The following PLEKHA3 variants were observed in gnomAD, a reference collection of about 807,000 sequenced individuals.
The protein encoded by PLEKHA3 is pleckstrin homology domain-containing family A member 3.
PLEKHA3 carries 19 observed loss-of-function variants against 39.2 expected under a neutral mutation model. The observed-to-expected ratio is 0.48, with a 90% CI of 0.34 to 0.71. The LOEUF is 0.71. Among genes scored for constraint, PLEKHA3 ranks in the 30% least tolerant of loss-of-function variants. The pLI is 0.01. For missense variants in PLEKHA3, 253 were observed against 359.5 expected, an observed-to-expected ratio of 0.70 and a Z score of 2.40; for synonymous variants, 97 against 118.6, an observed-to-expected ratio of 0.82 and a Z score of 1.18.
At chr2:178,501,248 G>A in intron 7 of PLEKHA3, 72 bp downstream of exon 7, 1 of 1,080,594 alleles carries the variant, frequency 9.3e-7, no homozygotes, top group Non-Finnish European at 1.4e-6. Context: ...GTAATTTCTG[G>A]AAATGAAGTA....
rs1575145155 is a variant in PLEKHA3 at position 178,495,595 on chromosome 2, G to A, written c.550G>A (p.Glu184Lys). The change falls in exon 5 of 8, where the codon GAG becomes AAG. Residue 184 changes from glutamate to lysine, a missense_variant. Physicochemically the swap from Glu to Lys is moderately conservative, Grantham distance 56. This residue lies in a region of PLEKHA3 where 126 missense variants were observed against 222.7 expected (regional missense o/e 0.57). Transcript: ENST00000234453. The stretch of plus-strand genomic sequence containing the variant: ...GATAGCCAATGCCAAGTTTAAACCT[G>A]AGATGTTTCAACTGCACCATCCGGA... ...VKIANAKFKP[E>K]MFQLHHPDPL... 1 of 1,613,986 alleles carries A rather than the reference G, an allele frequency of 6.2e-7. No homozygotes were observed. The highest frequency in any genetic ancestry group is 8.5e-7 in the Non-Finnish European group (1 of 1,179,994).
At chr2:178,490,900 A>G in intron 3 of PLEKHA3, 86 bp downstream of exon 3, 2 of 1,034,612 alleles carry the variant, frequency 1.9e-6, no homozygotes, top group Non-Finnish European at 1.4e-6. Context: ...CACTTTTAGT[A>G]TCTATCCCAA....
rs1007244008 is a variant in PLEKHA3 at position 178,516,063 on chromosome 2, TAC to T, written c.*12178_*12179del. On this transcript the variant is annotated 3_prime_UTR_variant, in exon 8 of 8. Coordinates refer to ENST00000234453, the MANE Select transcript of PLEKHA3 (RefSeq NM_019091.4). The stretch of plus-strand genomic sequence containing the variant: ...TAGCTTATATATGTGTATATACACA[TAC>T]ATATATATATATACATACATATATA... 39 of 151,232 alleles carry T rather than the reference TAC, an allele frequency of 2.6e-4. No homozygotes were observed. The highest frequency in any genetic ancestry group is 8.7e-4 in the African/African-American group (36 of 41,382). 9.4% of individuals were successfully genotyped at this position (151,232 alleles called of 1,614,324 possible).
chr2:178,512,157 G>A lies in PLEKHA3; in HGVS notation c.*8270G>A, dbSNP rs1030517455. On this transcript the variant is annotated 3_prime_UTR_variant, in exon 8 of 8. Transcript: ENST00000234453. Reference sequence around the variant, plus strand: ...AGCCTTTAAGTTATCCCTTTATTTAGTATTTAAATTCACATGCTTCTTGAT... The same window carrying A: ...AGCCTTTAAGTTATCCCTTTATTTAATATTTAAATTCACATGCTTCTTGAT... The A allele has an allele frequency of 6.6e-6, 1 of 152,120 alleles. No individual in the cohort carries two copies. Among genetic ancestry groups the A allele is most frequent in the Non-Finnish European group, 1.5e-5 (1 of 68,020 alleles). 9.4% of individuals were successfully genotyped at this position (152,120 alleles called of 1,614,324 possible).
At chr2:178,483,217 C>T (rs941563297) in intron 1 of PLEKHA3, among the ~76,000 whole-genome samples, 4 of 151,662 alleles carry the variant, frequency 2.6e-5, no homozygotes, top group African/African-American at 7.3e-5. Flanking sequence ...CCACATTGTA[C>T]CACTGCACTC....
chr2:178,492,266 A>G (rs1028780326), intron 3 of PLEKHA3, among the ~76,000 whole-genome samples: 1 of 152,192 alleles, frequency 6.6e-6, no homozygotes, highest in Non-Finnish European at 1.5e-5. Flanking sequence ...TGAAAACATT[A>G]CAGAATATAG....
intron 2 of PLEKHA3, among the ~76,000 whole-genome samples, chr2:178,489,908 T>C (rs1029915448): frequency 1.3e-5 from 2 of 152,214 alleles, no homozygotes; most frequent in African/African-American, 4.8e-5. Context: ...CTTGGTTAAA[T>C]TGTCAACTGT....
At chr2:178,503,680 G>A in intron 7 of PLEKHA3, 80 bp from the exon 8 acceptor site, 2 of 1,438,358 alleles carry the variant, frequency 1.4e-6, no homozygotes, top group African/African-American at 1.4e-5. Context: ...TCCCTGAACA[G>A]GAAATTTAAA....
chr2:178,503,564 G>A (rs553502801), intron 7 of PLEKHA3, among the ~76,000 whole-genome samples, 196 bp from the exon 8 acceptor site: 1 of 152,016 alleles, frequency 6.6e-6, no homozygotes, highest in African/African-American at 2.4e-5. Flanking sequence ...TATGAATTCT[G>A]ATGTTTCTCC....
At chr2:178,491,167 T>C (rs1206081213) in intron 3 of PLEKHA3, among the ~76,000 whole-genome samples, 2 of 152,006 alleles carry the variant, frequency 1.3e-5, no homozygotes, top group East Asian at 3.9e-4. Flanking sequence ...CCTGCTACCA[T>C]GCCTGGCTAA....
chr2:178,514,832 C>A lies in PLEKHA3; in HGVS notation c.*10945C>A, dbSNP rs1685737195. On this transcript the variant is annotated 3_prime_UTR_variant, in exon 8 of 8. Transcript: ENST00000234453. ...TTTGTGGTTTTGCTTTAGTGGCAAA[C>A]CTCCTTACAGGGATGAGTTGCCCTC... 1 of 152,110 alleles carries A rather than the reference C, an allele frequency of 6.6e-6. No individual in the cohort carries two copies. Among genetic ancestry groups the A allele is most frequent in the Non-Finnish European group, 1.5e-5 (1 of 68,036 alleles). The allele number at this position is 152,110 out of a possible 1,614,324, so 9.4% of individuals were successfully genotyped here. A position where few individuals can be genotyped will look rare whatever the true frequency, so the allele number is the denominator to read the frequency against.
In PLEKHA3 at chr2:178,514,265, T is replaced by G. The variant is rs1685728833; in HGVS notation, c.*10378T>G. The G allele has an allele frequency of 6.6e-6, 1 of 151,940 alleles. No homozygotes were observed. The highest frequency in any genetic ancestry group is 2.4e-5 in the African/African-American group (1 of 41,340). The allele number at this position is 151,940 out of a possible 1,614,324, so 9.4% of individuals were successfully genotyped here. A position where few individuals can be genotyped will look rare whatever the true frequency, so the allele number is the denominator to read the frequency against. ...AATTTTAAGACTTTGATTTTTCAGCTAGGATTAGCGGAGAATGACCTACCT... is the reference window on the plus strand; with the variant it reads ...AATTTTAAGACTTTGATTTTTCAGCGAGGATTAGCGGAGAATGACCTACCT... On this transcript the variant is annotated 3_prime_UTR_variant, in exon 8 of 8. Coordinates refer to ENST00000234453, the MANE Select transcript of PLEKHA3 (RefSeq NM_019091.4).
At chr2:178,492,568 C>G (rs7593189) in intron 3 of PLEKHA3, among the ~76,000 whole-genome samples, 3,694 of 149,006 alleles carry the variant, frequency 0.025, 158 homozygotes, top group African/African-American at 0.086. Context: ...CACATGTATA[C>G]ATATGTAACT....
At chr2:178,500,218 T>C (rs1685509134) in intron 6 of PLEKHA3, among the ~76,000 whole-genome samples, 1 of 152,114 alleles carries the variant, frequency 6.6e-6, no homozygotes, top group South Asian at 2.1e-4. Flanking sequence ...ATTTGGACTG[T>C]TAAATGCTGT....
At chr2:178,495,197 A>G (rs73973123) in intron 4 of PLEKHA3, among the ~76,000 whole-genome samples, 7,573 of 152,288 alleles carry the variant, frequency 0.05, 594 homozygotes, top group African/African-American at 0.17. Flanking sequence ...AGATTTCTCT[A>G]AGATAAACTT....
At chr2:178,494,083 T>C (rs748676297) in intron 4 of PLEKHA3, 94 bp downstream of exon 4, 109 of 1,413,154 alleles carry the variant, frequency 7.7e-5, no homozygotes, top group Non-Finnish European at 9.2e-5. Flanking sequence ...CATTTTCACA[T>C]TGAGTTATTT....
intron 2 of PLEKHA3, among the ~76,000 whole-genome samples, chr2:178,486,966 T>C (rs1482546321): frequency 6.6e-6 from 1 of 152,248 alleles, no homozygotes; most frequent in Non-Finnish European, 1.5e-5. Flanking sequence ...TCTTGACACG[T>C]TGAAATGGTA....
chr2:178,499,783 T>A (rs1685500931), intron 6 of PLEKHA3, among the ~76,000 whole-genome samples: 1 of 152,188 alleles, frequency 6.6e-6, no homozygotes, highest in Non-Finnish European at 1.5e-5. Flanking sequence ...GTAAGCACGC[T>A]CTGTGATGTT....
intron 5 of PLEKHA3, among the ~76,000 whole-genome samples, chr2:178,496,113 T>C (rs550809701): frequency 3.3e-5 from 5 of 152,324 alleles, no homozygotes; most frequent in South Asian, 4.1e-4. Flanking sequence ...AGCATTTGGA[T>C]CTGAACCCTC....
Sources: gnomAD v4.1 joint callset for allele counts (sites outside exome capture counted in the v4.1 genomes callset) on GRCh38, gnomAD v4.1.1 for gene constraint, gnomAD v4.1.1 regional missense constraint, MANE v1.5 for transcripts, NCBI Gene and HGNC (gene_info 2026-07-23, HGNC 2026-07-21) for gene names.